Variants in EOGT observed in about 807,000 individuals in gnomAD.
The protein encoded by EOGT is EGF domain-specific O-linked N-acetylglucosamine transferase.
In EOGT, 55 loss-of-function variants were observed where a neutral mutation model predicts 70.5. The observed-to-expected ratio is 0.78, with a 90% confidence interval of 0.63 to 0.98. The LOEUF (loss-of-function observed/expected upper bound fraction) is 0.98. Ranked by LOEUF, EOGT falls within the 50% of genes least tolerant of loss-of-function variation. The probability of loss-of-function intolerance (pLI) is 0.00; values close to 1 mark genes in which losing one functional copy is unlikely to be tolerated. For synonymous variants in EOGT, 246 were observed against 217.1 expected, an observed-to-expected ratio of 1.13 and a Z score of -1.17; for missense variants, 703 against 641.9, an observed-to-expected ratio of 1.10 and a Z score of -1.03.
chr3:68,986,116 T>C (rs957779439), intron 14 of EOGT, among the ~76,000 whole-genome samples: 6 of 152,094 alleles, frequency 3.9e-5, no homozygotes, highest in Non-Finnish European at 8.8e-5. Context: ...AAGAATCCAG[T>C]GAAGAAAAGA....
intron 10 of EOGT, among the ~76,000 whole-genome samples, chr3:68,991,813 T>C (rs1262880370): frequency 6.6e-6 from 1 of 152,138 alleles, no homozygotes; most frequent in Non-Finnish European, 1.5e-5. Flanking sequence ...GAAGTTTAAC[T>C]GGACTTACAG....
rs938585363 is a variant in EOGT, at chr3:68,988,639, G to A, written c.925-62C>T. 1.2e-5 allele frequency: 12 copies of A among 978,810 alleles called. No individual in the cohort carries two copies. In the African/African-American group the frequency reaches 1.5e-4, roughly 12 times the overall value. 60.6% of individuals were successfully genotyped at this position (978,810 alleles called of 1,614,324 possible). On this transcript the variant is annotated intron_variant, in intron 11 of 17. Coordinates refer to ENST00000383701, the MANE Select transcript of EOGT (RefSeq NM_001278689.2). ...GCACCCTTCACACCAAAAATAGCAC[G>A]TATAATTTTGAGAAATAGATTTTAA...
At chr3:68,981,343 G>A (rs1444180808) in intron 15 of EOGT, among the ~76,000 whole-genome samples, 4 of 152,174 alleles carry the variant, frequency 2.6e-5, no homozygotes, top group Non-Finnish European at 4.4e-5. Context: ...TTGCACAAAT[G>A]AACTAATGTA....
Position 68,981,084 on chromosome 3 carries a change from C to T in EOGT, c.1215-1297G>A, listed in dbSNP as rs537603531. On this transcript the variant is annotated intron_variant, in intron 15 of 17. Coordinates refer to ENST00000383701, the MANE Select transcript of EOGT (RefSeq NM_001278689.2). ...CAACACTGACACAACATTTCTTCAG[C>T]GCAGCAGATTTTACATAATCTGTAA... 7.9e-5 allele frequency among the ~76,000 whole-genome samples: 12 copies of T among 152,298 alleles called. No individual in the cohort carries two copies. In the East Asian group the frequency reaches 9.6e-4, roughly 12 times the overall value.
chr3:68,995,275 C>T (rs556683396), intron 10 of EOGT, among the ~76,000 whole-genome samples: 3 of 152,260 alleles, frequency 2.0e-5, no homozygotes, highest in South Asian at 2.1e-4. Context: ...CCTTACTTAG[C>T]GCCATCCCCA....
chr3:69,005,755 T>C (rs1385393511), intron 6 of EOGT, among the ~76,000 whole-genome samples: 1 of 152,216 alleles, frequency 6.6e-6, no homozygotes, highest in African/African-American at 2.4e-5. Flanking sequence ...TTCTAAATAA[T>C]TGAAGAAAGG....
intron 10 of EOGT, among the ~76,000 whole-genome samples, chr3:68,992,990 TG>T (rs769059507): frequency 3.9e-5 from 6 of 152,326 alleles, no homozygotes; most frequent in South Asian, 2.1e-4. Flanking sequence ...GCATACAGCA[TG>T]GGGACCCTGG....
chr3:69,013,373 G>C (rs989679509), intron 1 of EOGT, among the ~76,000 whole-genome samples: 5 of 151,894 alleles, frequency 3.3e-5, no homozygotes, highest in East Asian at 2.0e-4. Context: ...GCCCGGGGCC[G>C]GGGAGGGCCA....
At chr3:68,983,135 G>A (rs1397022985) in intron 14 of EOGT, among the ~76,000 whole-genome samples, 1 of 152,194 alleles carries the variant, frequency 6.6e-6, no homozygotes, top group African/African-American at 2.4e-5. Flanking sequence ...GTTGCTGTGA[G>A]GCTGAAAGGA....
Position 68,975,434 on chromosome 3 carries a change from G to A in EOGT, c.*2184C>T, listed in dbSNP as rs369452310. The A allele has an allele frequency of 5.9e-5, 9 of 152,414 alleles. No individual in the cohort carries two copies. The highest frequency in any genetic ancestry group is 1.2e-4 in the African/African-American group (5 of 41,384). The allele number at this position is 152,414 out of a possible 1,614,324, so 9.4% of individuals were successfully genotyped here. A position where few individuals can be genotyped will look rare whatever the true frequency, so the allele number is the denominator to read the frequency against. On this transcript the variant is annotated 3_prime_UTR_variant, in exon 18 of 18. Coordinates refer to ENST00000383701, the MANE Select transcript of EOGT (RefSeq NM_001278689.2). Reference sequence around the variant, plus strand: ...ATGTATTCTCTCTTCAAATATAGCCGTTTTATTATGAAATTGTTCTCAATT... The same window carrying A: ...ATGTATTCTCTCTTCAAATATAGCCATTTTATTATGAAATTGTTCTCAATT...
At chr3:69,007,864 T>C (rs1436633428) in intron 5 of EOGT, 43 bp from the exon 6 acceptor site, 13 of 1,390,014 alleles carry the variant, frequency 9.4e-6, no homozygotes, top group Non-Finnish European at 1.2e-5. Context: ...TCTTTTTACT[T>C]TTTTGGACCT....
In EOGT at chr3:68,978,430, T is replaced by C. The variant is rs746744409; in HGVS notation, c.1340A>G (p.Asn447Ser). The C allele has an allele frequency of 1.2e-6, 2 of 1,605,130 alleles. No homozygotes were observed. The highest frequency in any genetic ancestry group is 1.7e-6 in the Non-Finnish European group (2 of 1,176,918). Residue 447 changes from asparagine to serine, a missense_variant, in exon 17 of 18, where the codon AAC (asparagine) becomes AGC (serine). Asn to Ser is a conservative substitution (Grantham distance 46). Coordinates refer to ENST00000383701, the MANE Select transcript of EOGT (RefSeq NM_001278689.2). ...TAAGTAACAGCGTTCATCTTCACAG[T>C]TGTACCTAAGGACACAAGGGTGTCA... ...PDWAAVFELYNCEDERCYLDL... is the reference protein window; with the variant it reads ...PDWAAVFELYSCEDERCYLDL...
Position 69,009,859 on chromosome 3 carries a change from A to T in EOGT, c.-13T>A. The T allele has an allele frequency of 6.2e-7, 1 of 1,609,118 alleles. No homozygotes were observed. The highest frequency in any genetic ancestry group is 8.5e-7 in the Non-Finnish European group (1 of 1,176,958). ...ACAACATTAACATAGCAACCTGCAAACCTAGAGATCAAAATGAAGACAACT... is the reference window on the plus strand; with the variant it reads ...ACAACATTAACATAGCAACCTGCAATCCTAGAGATCAAAATGAAGACAACT... On this transcript the variant is annotated splice_region_variant and 5_prime_UTR_variant, in exon 4 of 18. Transcript: ENST00000383701.
rs889013338 is a variant in EOGT at position 68,995,096 on chromosome 3, A to C, written c.831+2915T>G. Among the ~76,000 whole-genome samples, 3 of 152,178 alleles carry C rather than the reference A, an allele frequency of 2.0e-5. No homozygotes were observed. In the South Asian group the frequency reaches 6.2e-4, roughly 32 times the overall value. The stretch of plus-strand genomic sequence containing the variant: ...AAAATATCACCAAGATGTGAACTGC[A>C]GTCACAGTTACCTCCCTGCTCTTCC... On this transcript the variant is annotated intron_variant, in intron 10 of 17. Coordinates refer to ENST00000383701, the MANE Select transcript of EOGT (RefSeq NM_001278689.2).
intron 10 of EOGT, among the ~76,000 whole-genome samples, 193 bp from the exon 11 acceptor site, chr3:68,989,210 G>A (rs1449622968): frequency 6.6e-6 from 1 of 152,116 alleles, no homozygotes; most frequent in Admixed American, 6.5e-5. Flanking sequence ...AATATCATCA[G>A]AAATAATTAT....
In EOGT at chr3:68,979,710, G is replaced by T. The variant is rs1173652027; in HGVS notation, c.1292C>A (p.Thr431Asn). ...CCAGTCTGGAAGGAAAAGTAAATGGGTCAGACCAGCTCCATGCATTCCAAT... is the reference window on the plus strand; with the variant it reads ...CCAGTCTGGAAGGAAAAGTAAATGGTTCAGACCAGCTCCATGCATTCCAAT... ...IFIGMHGAGL[T>N]HLLFLPDWAA... Residue 431 changes from threonine (T) to asparagine (N), a missense_variant, in exon 16 of 18, where the codon ACC (threonine) becomes AAC (asparagine). Coordinates refer to ENST00000383701, the MANE Select transcript of EOGT (RefSeq NM_001278689.2). The T allele has an allele frequency of 7.4e-6, 12 of 1,613,882 alleles. No homozygotes were observed. The highest frequency in any genetic ancestry group is 9.3e-6 in the Non-Finnish European group (11 of 1,179,876).
At chr3:68,991,398 T>A (rs2107250449) in intron 10 of EOGT, among the ~76,000 whole-genome samples, 1 of 152,324 alleles carries the variant, frequency 6.6e-6, no homozygotes, top group South Asian at 2.1e-4. Flanking sequence ...GATATAGGTA[T>A]ATTGAAAGGA....
chr3:68,978,437 T>G lies in EOGT; in HGVS notation c.1335-2A>C. 1 of 1,596,402 alleles carries G rather than the reference T, an allele frequency of 6.3e-7. No homozygotes were observed. Among genetic ancestry groups the G allele is most frequent in the Non-Finnish European group, 8.5e-7 (1 of 1,172,784 alleles). On this transcript the variant is annotated splice_acceptor_variant, in intron 16 of 17. Transcript: ENST00000383701. LOFTEE classifies it high-confidence loss of function. ...CAGCGTTCATCTTCACAGTTGTACC[T>G]AAGGACACAAGGGTGTCACAACATG...
chr3:69,001,619 T>C lies in EOGT; in HGVS notation c.716A>G (p.Lys239Arg). The C allele has an allele frequency of 6.3e-7, 1 of 1,599,452 alleles. No individual in the cohort carries two copies. The highest frequency in any genetic ancestry group is 8.5e-7 in the Non-Finnish European group (1 of 1,170,132). Residue 239 changes from lysine (K) to arginine (R), a missense_variant, in exon 9 of 18, where the codon AAA becomes AGA. Transcript: ENST00000383701. ...AAGTTATTTCTCACCTGCATCTAAT[T>C]TCATGAAATATGTTGGTTTTTCAAT... The part of the protein sequence containing the change: ...IVIEKPTYFM[K>R]LDAGVNMYHH...
Sources: allele counts gnomAD v4.1 joint callset (sites outside exome capture counted in the v4.1 genomes callset), GRCh38; gene constraint gnomAD v4.1.1; transcripts MANE v1.5; gene names NCBI Gene and HGNC (gene_info 2026-07-23, HGNC 2026-07-21).